EYS: variants seen among roughly 807,000 people sequenced by gnomAD.
EYS encodes EGF-like photoreceptor maintenance factor.
A neutral mutation model predicts 282.1 loss-of-function variants in EYS; 250 were observed. That is an observed-to-expected ratio of 0.89 (90% CI 0.80 to 0.98). The LOEUF (loss-of-function observed/expected upper bound fraction) is 0.98, where lower values mean the gene tolerates loss of function less well. Ranked by LOEUF, EYS falls within the 50% of genes least tolerant of loss-of-function variation. The pLI is 0.00. For synonymous variants in EYS, 1,355 were observed against 1,282.9 expected, an observed-to-expected ratio of 1.06 and a Z score of -1.20; for missense variants, 4,016 against 3,709.0, an observed-to-expected ratio of 1.08 and a Z score of -2.15.
At chr6:64,890,725 A>G (rs955138762) in intron 18 of EYS, among the ~76,000 whole-genome samples, 1 of 152,264 alleles carries the variant, frequency 6.6e-6, no homozygotes, top group African/African-American at 2.4e-5. Flanking sequence ...TCTGATTTTG[A>G]AAGTGATATC....
At chr6:65,670,013 C>G (rs559117793) in intron 1 of EYS, among the ~76,000 whole-genome samples, 3 of 141,618 alleles carry the variant, frequency 2.1e-5, no homozygotes, top group African/African-American at 8.3e-5. Flanking sequence ...CCTCCTCCTC[C>G]TCATTGTTTT....
chr6:65,034,409 T>C (rs1772702561), intron 13 of EYS, among the ~76,000 whole-genome samples: 2 of 152,136 alleles, frequency 1.3e-5, no homozygotes, highest in African/African-American at 4.8e-5. Context: ...TCCACTTGAA[T>C]TTCATGTTGA....
chr6:65,032,323 G>A (rs1333458095), intron 13 of EYS, among the ~76,000 whole-genome samples: 1 of 152,150 alleles, frequency 6.6e-6, no homozygotes, highest in African/African-American at 2.4e-5. Flanking sequence ...TAAAAGAGTT[G>A]TGATATAGTT....
chr6:64,269,680 TTATTTTCCTTAA>T (rs1296058733), intron 30 of EYS, among the ~76,000 whole-genome samples: 2 of 152,116 alleles, frequency 1.3e-5, no homozygotes, highest in Non-Finnish European at 2.9e-5. Context: ...GGATACCACA[TTATTTTCCTTAA>T]TTTTTGACAC....
chr6:64,865,129 A>G (rs1766387623), intron 19 of EYS, among the ~76,000 whole-genome samples: 1 of 152,174 alleles, frequency 6.6e-6, no homozygotes. Context: ...AACAATCTAT[A>G]TATTTATTCA....
chr6:65,698,797 C>G (rs895364527), intron 1 of EYS, among the ~76,000 whole-genome samples: 6 of 152,172 alleles, frequency 3.9e-5, no homozygotes, highest in Non-Finnish European at 8.8e-5. Context: ...ACAGTGTTTG[C>G]TAGTTAATTC....
At chr6:64,325,901 G>T (rs1267932279) in intron 29 of EYS, among the ~76,000 whole-genome samples, 1 of 152,024 alleles carries the variant, frequency 6.6e-6, no homozygotes, top group Non-Finnish European at 1.5e-5. Flanking sequence ...CAAAAAGTCT[G>T]GGATTATATT....
At chr6:64,762,210 T>A (rs1403308965) in intron 22 of EYS, among the ~76,000 whole-genome samples, 1 of 152,182 alleles carries the variant, frequency 6.6e-6, no homozygotes, top group Non-Finnish European at 1.5e-5. Context: ...AATATAATTT[T>A]AAAAATGACT....
At chr6:63,784,223 C>A (rs1288198306) in intron 39 of EYS, among the ~76,000 whole-genome samples, 1 of 152,096 alleles carries the variant, frequency 6.6e-6, no homozygotes, top group East Asian at 1.9e-4. Flanking sequence ...TTTGGGACTT[C>A]TCAGCTTCCA....
chr6:64,105,530 A>G (rs961538162), intron 31 of EYS, among the ~76,000 whole-genome samples: 1 of 152,128 alleles, frequency 6.6e-6, no homozygotes, highest in Non-Finnish European at 1.5e-5. Context: ...CGACATGTCC[A>G]TCATTGTAAT....
At chr6:64,606,095 T>A (rs1387802165) in intron 24 of EYS, among the ~76,000 whole-genome samples, 2 of 151,980 alleles carry the variant, frequency 1.3e-5, no homozygotes, top group African/African-American at 4.8e-5. Context: ...GCATGTTGTA[T>A]CTCTTCTCTA....
At chr6:65,088,404 T>G (rs1774450748) in intron 12 of EYS, among the ~76,000 whole-genome samples, 1 of 152,180 alleles carries the variant, frequency 6.6e-6, no homozygotes, top group Non-Finnish European at 1.5e-5. Context: ...CATCCGTAAG[T>G]GGTCTCAGAT....
chr6:64,836,569 T>C (rs1259316306), intron 19 of EYS, among the ~76,000 whole-genome samples: 3 of 151,578 alleles, frequency 2.0e-5, no homozygotes, highest in Non-Finnish European at 4.4e-5. Flanking sequence ...ACATGCATAT[T>C]AAAATAGTGA....
Position 64,032,591 on chromosome 6 carries a change from A to T in EYS, c.6726-33408T>A, listed in dbSNP as rs151324206. 9.4e-3 allele frequency among the ~76,000 whole-genome samples: 1,431 copies of T among 152,320 alleles called. 10 individuals carry two copies. The highest frequency in any genetic ancestry group is 0.051 in the Middle Eastern group (15 of 294). ...GGCCCACAAGACTAATCCTTGCTTC[A>T]GATGTCAATCTGAAGTAAGTAGTGG... On this transcript the variant is annotated intron_variant, in intron 33 of 42. Coordinates refer to ENST00000503581, the MANE Select transcript of EYS (RefSeq NM_001142800.2).
At chr6:64,395,497 T>G (rs1347716394) in intron 28 of EYS, among the ~76,000 whole-genome samples, 1 of 151,774 alleles carries the variant, frequency 6.6e-6, no homozygotes, top group Non-Finnish European at 1.5e-5. Context: ...ATGGATGAAA[T>G]TGGAAATCAT....
At chr6:64,165,911 C>T (rs1426106734) in intron 31 of EYS, among the ~76,000 whole-genome samples, 1 of 152,154 alleles carries the variant, frequency 6.6e-6, no homozygotes, top group African/African-American at 2.4e-5. Flanking sequence ...AAAGATAGTG[C>T]CTGACAAATA....
At chr6:64,958,734 C>CAAAAAAAAAAAAAAAAAAA (rs1167094477) in intron 14 of EYS, among the ~76,000 whole-genome samples, 1 of 51,670 alleles carries the variant, frequency 1.9e-5, no homozygotes, top group Admixed American at 2.9e-4. Context: ...GACTCCGTCT[C>CAAAAAAAAAAAAAAAAAAA]AAAAAAAAAA....
chr6:64,824,308 C>G (rs76291936), intron 19 of EYS, among the ~76,000 whole-genome samples: 1,794 of 151,986 alleles, frequency 0.012, 38 homozygotes, highest in African/African-American at 0.04. Flanking sequence ...GGAAAGGGCA[C>G]ATATTTGTAA....
At chr6:65,626,641 T>G (rs1171382524) in intron 2 of EYS, among the ~76,000 whole-genome samples, 1 of 152,076 alleles carries the variant, frequency 6.6e-6, no homozygotes, top group African/African-American at 2.4e-5. Flanking sequence ...AAACAAGCCA[T>G]GGACCCGAAT....
Sources: allele counts gnomAD v4.1 joint callset (sites outside exome capture counted in the v4.1 genomes callset), GRCh38; gene constraint gnomAD v4.1.1; transcripts MANE v1.5; gene names NCBI Gene and HGNC (gene_info 2026-07-23, HGNC 2026-07-21).